JMJD1C: variants seen among roughly 807,000 people sequenced by gnomAD.
JMJD1C encodes jumonji domain-containing protein 1C.
In JMJD1C, 31 loss-of-function variants were observed where a neutral mutation model predicts 245.3. That is an observed-to-expected ratio of 0.13 (90% CI 0.09 to 0.17). The LOEUF (loss-of-function observed/expected upper bound fraction) is 0.17. JMJD1C is among the 10% of genes least tolerant of loss of function. The probability of loss-of-function intolerance (pLI) is 1.00; values close to 1 mark genes in which losing one functional copy is unlikely to be tolerated. For synonymous variants in JMJD1C, 1,057 were observed against 1,017.4 expected, an observed-to-expected ratio of 1.04 and a Z score of -0.74; for missense variants, 2,691 against 3,000.2, an observed-to-expected ratio of 0.90 and a Z score of 2.41.
At chr10:63,352,375 C>T (rs1203985838) in intron 2 of JMJD1C, among the ~76,000 whole-genome samples, 2 of 152,136 alleles carry the variant, frequency 1.3e-5, no homozygotes, top group African/African-American at 4.8e-5. Flanking sequence ...TGGTAGCTCA[C>T]GCCTGTAATC....
chr10:63,388,855 A>C (rs1947827797), intron 1 of JMJD1C, among the ~76,000 whole-genome samples: 1 of 152,202 alleles, frequency 6.6e-6, no homozygotes, highest in Non-Finnish European at 1.5e-5. Flanking sequence ...CATTCCATGC[A>C]AATAGAAACC....
chr10:63,226,877 G>A (rs572234034), intron 3 of JMJD1C, among the ~76,000 whole-genome samples: 1 of 152,052 alleles, frequency 6.6e-6, no homozygotes, highest in East Asian at 1.9e-4. Flanking sequence ...GACCAACATG[G>A]TGAAACCAAA....
At chr10:63,325,444 A>G (rs754343704) in intron 2 of JMJD1C, among the ~76,000 whole-genome samples, 1 of 152,010 alleles carries the variant, frequency 6.6e-6, no homozygotes, top group Non-Finnish European at 1.5e-5. Flanking sequence ...CGCTCAATCA[A>G]TTTTTATCCA....
intron 3 of JMJD1C, among the ~76,000 whole-genome samples, chr10:63,258,065 G>T (rs1300510304): frequency 1.3e-5 from 2 of 152,082 alleles, no homozygotes; most frequent in Non-Finnish European, 2.9e-5. Flanking sequence ...CCACGAAAAA[G>T]GTTTAAGATA....
chr10:63,298,303 C>A (rs1165876110), intron 2 of JMJD1C, among the ~76,000 whole-genome samples: 1 of 152,212 alleles, frequency 6.6e-6, no homozygotes, highest in African/African-American at 2.4e-5. Context: ...ACTGGTGCCA[C>A]TGGCCACAGA....
intron 1 of JMJD1C, among the ~76,000 whole-genome samples, chr10:63,510,263 A>G (rs1954835991): frequency 6.6e-6 from 1 of 152,110 alleles, no homozygotes; most frequent in Admixed American, 6.5e-5. Context: ...TCGGCCTCCC[A>G]AAGTGCTGGG....
At chr10:63,386,980 A>G (rs1013718699) in intron 1 of JMJD1C, among the ~76,000 whole-genome samples, 2 of 152,166 alleles carry the variant, frequency 1.3e-5, no homozygotes, top group African/African-American at 2.4e-5. Context: ...GTGGCAACCC[A>G]TTCCCTAATA....
At chr10:63,446,865 AC>A (rs1951747932) in intron 1 of JMJD1C, among the ~76,000 whole-genome samples, 1 of 152,146 alleles carries the variant, frequency 6.6e-6, no homozygotes, top group Non-Finnish European at 1.5e-5. Flanking sequence ...CAAACTGGGG[AC>A]AATCTGTATA....
intron 3 of JMJD1C, among the ~76,000 whole-genome samples, chr10:63,242,754 G>A (rs1851644572): frequency 1.3e-5 from 2 of 151,870 alleles, no homozygotes; most frequent in African/African-American, 2.4e-5. Flanking sequence ...CTTTTCTAAT[G>A]AGTCTCTTGA....
chr10:63,263,108 A>C (rs992925096), intron 3 of JMJD1C, among the ~76,000 whole-genome samples: 1 of 152,208 alleles, frequency 6.6e-6, no homozygotes, highest in Non-Finnish European at 1.5e-5. Context: ...TCTGTAGTAA[A>C]CTAAATGGTA....
intron 3 of JMJD1C, among the ~76,000 whole-genome samples, chr10:63,257,155 T>C (rs2133698385): frequency 6.7e-6 from 1 of 148,752 alleles, no homozygotes; most frequent in East Asian, 2.0e-4. Context: ...GAGAATCACT[T>C]GAACCAGGGA....
intron 2 of JMJD1C, among the ~76,000 whole-genome samples, chr10:63,322,774 G>A (rs1941038215): frequency 1.7e-5 from 2 of 121,058 alleles, no homozygotes; most frequent in Non-Finnish European, 3.2e-5. Context: ...CTGGACTCCA[G>A]CCTGGGCAAC....
At chr10:63,422,484 C>A (rs1006750974) in intron 1 of JMJD1C, among the ~76,000 whole-genome samples, 1 of 152,174 alleles carries the variant, frequency 6.6e-6, no homozygotes, top group Non-Finnish European at 1.5e-5. Flanking sequence ...TTACCTTTTT[C>A]ACACTTCTGC....
chr10:63,514,919 T>C (rs72837070), intron 1 of JMJD1C, among the ~76,000 whole-genome samples: 20,747 of 152,054 alleles, frequency 0.14, 2,079 homozygotes, highest in Admixed American at 0.29. Context: ...CTGTAATTTT[T>C]TGTTAAAGGT....
At chr10:63,425,606 A>T (rs886296359) in intron 1 of JMJD1C, among the ~76,000 whole-genome samples, 1 of 152,014 alleles carries the variant, frequency 6.6e-6, no homozygotes, top group Non-Finnish European at 1.5e-5. Context: ...ACATGGCGAG[A>T]TCCCATCTCT....
In JMJD1C at chr10:63,392,867, AACACACACACACACACAC is replaced by A. The variant is rs34778084; in HGVS notation, c.169-12403_169-12386del. Among the ~76,000 whole-genome samples, 101 of 112,284 alleles carry A rather than the reference AACACACACACACACACAC, an allele frequency of 9.0e-4. No homozygotes were observed. The East Asian group carries it at 0.019, about 21-fold the overall frequency. The allele number at this position is 112,284 out of a possible 152,430, so 73.7% of individuals were successfully genotyped here. Reference sequence around the variant, plus strand: ...AAAAAGGTGGGCAAAAAAGTACATAAACACACACACACACACACACACACACACACACACACACACACG... The same window carrying A: ...AAAAAGGTGGGCAAAAAAGTACATAAACACACACACACACACACACACACG... On this transcript the variant is annotated intron_variant, in intron 1 of 25. Coordinates refer to ENST00000399262, the MANE Select transcript of JMJD1C (RefSeq NM_032776.3).
At chr10:63,223,056 A>G in intron 3 of JMJD1C, 1 of 1,088,044 alleles carries the variant, frequency 9.2e-7, no homozygotes, top group South Asian at 1.4e-5. Flanking sequence ...TAATTGGTAT[A>G]TGTCTTCCAC....
chr10:63,256,959 G>A (rs899263778), intron 3 of JMJD1C, among the ~76,000 whole-genome samples: 1 of 152,164 alleles, frequency 6.6e-6, no homozygotes, highest in Admixed American at 6.6e-5. Context: ...GAGTAGCCAG[G>A]CGCAGTGGCT....
At chr10:63,260,195 C>T (rs1162615488) in intron 3 of JMJD1C, among the ~76,000 whole-genome samples, 3 of 152,168 alleles carry the variant, frequency 2.0e-5, no homozygotes, top group Non-Finnish European at 4.4e-5. Flanking sequence ...AAATCTCTAA[C>T]GGTTTTAACT....
Sources: allele counts gnomAD v4.1 joint callset (sites outside exome capture counted in the v4.1 genomes callset), GRCh38; gene constraint gnomAD v4.1.1; transcripts MANE v1.5; gene names NCBI Gene and HGNC (gene_info 2026-07-23, HGNC 2026-07-21).